OR9Q1: variants seen among roughly 807,000 people sequenced by gnomAD.
OR9Q1 encodes olfactory receptor family 9 subfamily Q member 1.
For synonymous variants in OR9Q1, 153 were observed against 148.6 expected, an observed-to-expected ratio of 1.03 and a Z score of -0.22; for missense variants, 374 against 378.8, an observed-to-expected ratio of 0.99 and a Z score of 0.11.
intron 2 of OR9Q1, chr11:58,117,215 A>G (rs1238252769): frequency 6.6e-6 from 1 of 152,118 alleles, no homozygotes; most frequent in Non-Finnish European, 1.5e-5. Flanking sequence ...ATTTTATTTA[A>G]TTTTTACAAT....
intron 2 of OR9Q1, among the ~76,000 whole-genome samples, chr11:58,113,480 C>A (rs181163430): frequency 9.9e-5 from 15 of 152,272 alleles, no homozygotes; most frequent in Middle Eastern, 3.4e-3. Flanking sequence ...CTCATTACCC[C>A]CCTCATTGTA....
chr11:58,087,088 A>G (rs1178944597), intron 2 of OR9Q1, among the ~76,000 whole-genome samples: 1 of 151,884 alleles, frequency 6.6e-6, no homozygotes, highest in African/African-American at 2.4e-5. Context: ...ACATGTATCA[A>G]AACACCACAT....
intron 2 of OR9Q1, chr11:58,073,489 T>C (rs1853507990): frequency 6.5e-6 from 1 of 152,968 alleles, no homozygotes; most frequent in Non-Finnish European, 1.5e-5. Context: ...AATATACAAA[T>C]AGAACTTAGC....
At chr11:58,141,614 G>A (rs11229264) in intron 2 of OR9Q1, among the ~76,000 whole-genome samples, 49,409 of 151,908 alleles carry the variant, frequency 0.33, 8,539 homozygotes, top group Middle Eastern at 0.43. Context: ...TGCTGGATTC[G>A]GTTTGCCAGT....
intron 2 of OR9Q1, among the ~76,000 whole-genome samples, chr11:58,062,001 T>A (rs1197429976): frequency 6.6e-6 from 1 of 152,184 alleles, no homozygotes; most frequent in African/African-American, 2.4e-5. Flanking sequence ...GATGATGTCA[T>A]AGTTTCAAGA....
intron 2 of OR9Q1, among the ~76,000 whole-genome samples, chr11:58,135,862 T>C (rs930349340): frequency 1.3e-5 from 2 of 152,256 alleles, no homozygotes; most frequent in African/African-American, 4.8e-5. Context: ...AGCTGATCTC[T>C]GAGCACTTAC....
At chr11:58,054,567 A>G (rs1448980768) in intron 1 of OR9Q1, among the ~76,000 whole-genome samples, 1 of 152,228 alleles carries the variant, frequency 6.6e-6, no homozygotes, top group Non-Finnish European at 1.5e-5. Flanking sequence ...CTCCAAGTGC[A>G]TGAAAATACT....
intron 2 of OR9Q1, chr11:58,116,909 A>G (rs748521114): frequency 1.3e-5 from 2 of 152,238 alleles, no homozygotes; most frequent in Non-Finnish European, 2.9e-5. Flanking sequence ...TTACAAATAC[A>G]TCCTTTTATT....
At chr11:58,120,049 A>G (rs954276415) in intron 2 of OR9Q1, among the ~76,000 whole-genome samples, 1 of 152,226 alleles carries the variant, frequency 6.6e-6, no homozygotes. Flanking sequence ...TAATTATTCA[A>G]TGGGCAGTAA....
intron 1 of OR9Q1, among the ~76,000 whole-genome samples, chr11:58,030,396 G>A (rs1853019699): frequency 1.3e-5 from 2 of 152,092 alleles, no homozygotes; most frequent in Non-Finnish European, 2.9e-5. Flanking sequence ...GACATTTATT[G>A]ACTCAAACAT....
chr11:58,069,938 C>G (rs1471041719), intron 2 of OR9Q1, among the ~76,000 whole-genome samples: 1 of 152,010 alleles, frequency 6.6e-6, no homozygotes, highest in Non-Finnish European at 1.5e-5. Flanking sequence ...AACTCTGGGT[C>G]TTGTTTTATT....
chr11:58,053,632 A>ATCTATAT (rs1554965510), intron 1 of OR9Q1, among the ~76,000 whole-genome samples: 15 of 118,684 alleles, frequency 1.3e-4, no homozygotes, highest in Admixed American at 2.7e-4. Context: ...TATATAAAAT[A>ATCTATAT]TATATATATA....
intron 2 of OR9Q1, among the ~76,000 whole-genome samples, chr11:58,067,052 G>A (rs1421809001): frequency 6.8e-6 from 1 of 147,448 alleles, no homozygotes; most frequent in Non-Finnish European, 1.5e-5. Context: ...TTTTTTTTGA[G>A]ACAGAGTCTC....
intron 1 of OR9Q1, among the ~76,000 whole-genome samples, chr11:58,024,937 G>A (rs1424674035): frequency 2.0e-5 from 3 of 152,144 alleles, no homozygotes; most frequent in Admixed American, 2.0e-4. Context: ...GGCACGGTGT[G>A]GAGGCTTTTT....
At position 58,161,073 on chromosome 11, in the gene OR9Q1, A is replaced by G. The variant is rs142863827; in HGVS notation, c.-14-18358A>G. On this transcript the variant is annotated intron_variant, in intron 2 of 2. Coordinates refer to ENST00000335397, the MANE Select transcript of OR9Q1 (RefSeq NM_001005212.4). ...GAATAGGGGACACAGGGCGGGGAAC[A>G]TCACACACTGGGGGCCTGTCTGGGG... Among the ~76,000 whole-genome samples the G allele has an allele frequency of 6.8e-3, 1,018 of 149,170 alleles. 12 individuals carry two copies. Among genetic ancestry groups the G allele is most frequent in the African/African-American group, 0.019 (747 of 40,292 alleles).
At chr11:58,131,339 A>T (rs7928721) in intron 2 of OR9Q1, among the ~76,000 whole-genome samples, 26,099 of 152,072 alleles carry the variant, frequency 0.17, 2,349 homozygotes, top group Non-Finnish European at 0.21. Flanking sequence ...TGTTAGACAC[A>T]GCAAAATAGC....
chr11:58,165,272 AC>A (rs1854490322), intron 2 of OR9Q1, among the ~76,000 whole-genome samples: 1 of 152,206 alleles, frequency 6.6e-6, no homozygotes, highest in African/African-American at 2.4e-5. Context: ...CTGGCATCTA[AC>A]ACACGCTTAA....
chr11:58,065,157 T>C (rs556898365), intron 2 of OR9Q1, among the ~76,000 whole-genome samples: 3 of 152,018 alleles, frequency 2.0e-5, no homozygotes, highest in South Asian at 4.2e-4. Flanking sequence ...GGAAGACACA[T>C]GGACTGGGAT....
chr11:58,034,786 CT>C (rs1400094936), intron 1 of OR9Q1, among the ~76,000 whole-genome samples: 23 of 85,346 alleles, frequency 2.7e-4, no homozygotes, highest in Non-Finnish European at 4.6e-4. Flanking sequence ...TCCCTCCCTC[CT>C]TTCTCCCTTC....
Sources: gnomAD v4.1 joint callset for allele counts (sites outside exome capture counted in the v4.1 genomes callset) on GRCh38, gnomAD v4.1.1 for gene constraint, MANE v1.5 for transcripts, NCBI Gene and HGNC (gene_info 2026-07-23, HGNC 2026-07-21) for gene names.